The following BCO1 variants were observed in gnomAD, a reference collection of about 807,000 sequenced individuals.
BCO1 encodes beta,beta-carotene 15,15'-dioxygenase.
In BCO1, 54 loss-of-function variants were observed where a neutral mutation model predicts 56.3. That is an observed-to-expected ratio of 0.96 (90% confidence interval 0.77 to 1.20). BCO1 has a LOEUF of 1.20. Ranked by LOEUF, BCO1 falls within the 50% of genes most tolerant of loss-of-function variation. BCO1 has a pLI of 0.00. For missense variants in BCO1, 801 were observed against 690.9 expected (o/e 1.16, Z -1.79); for synonymous variants, 318 against 266.1 (o/e 1.20, Z -1.90).
At position 81,285,588 on chromosome 16, in the gene BCO1, G is replaced by C; in HGVS notation, c.1256G>C (p.Arg419Pro). ...VNYAHNGKQY[R>P]YVFATGVQWS... ...TATGCTCACAATGGAAAGCAATACC[G>C]ATATGTCTTTGCTACAGGAGTTCAG... The change falls in exon 9 of 11, where the codon CGA (arginine) becomes CCA (proline). Residue 419 changes from arginine (R) to proline (P), a missense_variant. Transcript: ENST00000258168. 6.2e-7 allele frequency: 1 copy of C among 1,613,826 alleles called. No homozygotes were observed. Among genetic ancestry groups the C allele is most frequent in the Non-Finnish European group, 8.5e-7 (1 of 1,179,708 alleles).
At chr16:81,289,951 A>G (rs1372718917) in intron 10 of BCO1, among the ~76,000 whole-genome samples, 2 of 151,924 alleles carry the variant, frequency 1.3e-5, no homozygotes, top group African/African-American at 4.8e-5. Context: ...CGCAACCTCC[A>G]CTCCCAGGTT....
rs1339175805 is a variant in BCO1, at chr16:81,290,380, C to G, written c.1447C>G (p.Pro483Ala). The G allele has an allele frequency of 6.2e-7, 1 of 1,614,042 alleles. No homozygotes were observed. The highest frequency in any genetic ancestry group is 1.3e-5 in the African/African-American group (1 of 74,926). ...CTTATCAGCCATTGTCTCTACTGAT[C>G]CCCAAAAGCTGCCTTTTCTGCTCAT... ...VILSAIVSTD[P>A]QKLPFLLILD... The change falls in exon 11 of 11, where the codon CCC becomes GCC. Residue 483 changes from proline (P) to alanine (A), a missense_variant. Transcript: ENST00000258168.
intron 2 of BCO1, among the ~76,000 whole-genome samples, chr16:81,255,502 T>A (rs1026209901): frequency 3.3e-5 from 5 of 150,422 alleles, no homozygotes; most frequent in African/African-American, 1.3e-4. Context: ...TATTTTTTTT[T>A]ATTTTTTATT....
At chr16:81,268,493 C>A (rs549240529) in intron 6 of BCO1, among the ~76,000 whole-genome samples, 92 of 152,308 alleles carry the variant, frequency 6.0e-4, no homozygotes, top group African/African-American at 2.2e-3. Flanking sequence ...GACCCCTTAA[C>A]CATGTCTGCT....
chr16:81,244,717 CTT>C (rs55904406), intron 1 of BCO1, among the ~76,000 whole-genome samples: 25 of 129,170 alleles, frequency 1.9e-4, no homozygotes, highest in African/African-American at 3.0e-4. Flanking sequence ...TTGCCCCTAT[CTT>C]TTTTTTTTTT....
At chr16:81,277,900 C>G (rs1205148371) in intron 7 of BCO1, among the ~76,000 whole-genome samples, 1 of 152,194 alleles carries the variant, frequency 6.6e-6, no homozygotes, top group African/African-American at 2.4e-5. Context: ...TATAAGATGT[C>G]TGTGCAGACC....
intron 7 of BCO1, among the ~76,000 whole-genome samples, chr16:81,277,376 C>A (rs748980069): frequency 8.5e-5 from 13 of 152,166 alleles, no homozygotes; most frequent in Non-Finnish European, 1.8e-4. Flanking sequence ...ACTTGCCCAA[C>A]TTTTTAGAAT....
At chr16:81,281,143 T>C (rs1406396675) in intron 8 of BCO1, among the ~76,000 whole-genome samples, 181 bp downstream of exon 8, 1 of 152,032 alleles carries the variant, frequency 6.6e-6, no homozygotes, top group African/African-American at 2.4e-5. Flanking sequence ...TTCAAATGCT[T>C]CCTAGGAAGG....
chr16:81,270,954 C>T (rs945128458), intron 7 of BCO1, among the ~76,000 whole-genome samples: 3 of 152,024 alleles, frequency 2.0e-5, no homozygotes, highest in African/African-American at 7.3e-5. Context: ...CCGTGTTAGC[C>T]AGGATGGTCT....
chr16:81,268,257 T>C, intron 6 of BCO1, 126 bp downstream of exon 6: 2 of 876,794 alleles, frequency 2.3e-6, no homozygotes, highest in South Asian at 2.8e-5. Flanking sequence ...CAGAGGCATC[T>C]ACCCACCTTC....
intron 2 of BCO1, among the ~76,000 whole-genome samples, chr16:81,254,426 C>G (rs1041628176): frequency 6.8e-5 from 10 of 147,396 alleles, no homozygotes; most frequent in Admixed American, 2.1e-4. Context: ...GCTGGGATTA[C>G]AGGCATAAGC....
Position 81,264,760 on chromosome 16 carries a change from A to T in BCO1, c.592A>T (p.Ile198Phe). 3 of 1,614,168 alleles carry T rather than the reference A, an allele frequency of 1.9e-6. No individual in the cohort carries two copies. The highest frequency in any genetic ancestry group is 2.5e-6 in the Non-Finnish European group (3 of 1,180,030). The change falls in exon 5 of 11, where the codon ATT becomes TTT. Residue 198 changes from isoleucine (I) to phenylalanine (F), a missense_variant. Transcript: ENST00000258168. Reference sequence around the variant, plus strand: ...GGAAAAGGGGAAGACAAAGTATGTGATTTTTAAGATCCCTGCCACAGTACC... The same window carrying T: ...GGAAAAGGGGAAGACAAAGTATGTGTTTTTTAAGATCCCTGCCACAGTACC... ...IVEKGKTKYV[I>F]FKIPATVPEG...
intron 5 of BCO1, among the ~76,000 whole-genome samples, chr16:81,265,600 T>TCATC (rs1216680773): frequency 8.3e-6 from 1 of 120,488 alleles, no homozygotes; most frequent in Non-Finnish European, 1.8e-5. Flanking sequence ...CATCCATCAT[T>TCATC]CATCCATCCA....
chr16:81,254,295 A>ATTTTTTTTT (rs57961725), intron 2 of BCO1, among the ~76,000 whole-genome samples: 15 of 78,282 alleles, frequency 1.9e-4, no homozygotes, highest in Non-Finnish European at 2.3e-4. Context: ...CGCCCGGCTA[A>ATTTTTTTTT]TTTTTTTTTT....
Position 81,238,752 on chromosome 16 carries a change from A to C in BCO1, c.-157A>C, listed in dbSNP as rs1904971822. 1 of 729,354 alleles carries C rather than the reference A, an allele frequency of 1.4e-6. No individual in the cohort carries two copies. The highest frequency in any genetic ancestry group is 2.5e-6 in the Non-Finnish European group (1 of 404,028). 45.2% of individuals were successfully genotyped at this position (729,354 alleles called of 1,614,324 possible). On this transcript the variant is annotated 5_prime_UTR_variant, in exon 1 of 11. Transcript: ENST00000258168. ...AGTGAGAGCCAGCCAAAAAGGAAAA[A>C]GCAAAGGCAGAAACGGCATCAGGAG...
chr16:81,260,706 A>C (rs973313249), intron 3 of BCO1, among the ~76,000 whole-genome samples: 3 of 152,110 alleles, frequency 2.0e-5, no homozygotes, highest in Non-Finnish European at 4.4e-5. Context: ...ACGGGGTTTC[A>C]CCATGTTGAT....
chr16:81,279,154 G>A (rs1019132943), intron 7 of BCO1, among the ~76,000 whole-genome samples: 20 of 152,062 alleles, frequency 1.3e-4, no homozygotes, highest in Admixed American at 4.6e-4. Context: ...ACGCATGCCC[G>A]TAGTCCCCCA....
chr16:81,258,085 A>C (rs1462235298), intron 2 of BCO1, among the ~76,000 whole-genome samples: 3 of 152,114 alleles, frequency 2.0e-5, no homozygotes, highest in Non-Finnish European at 4.4e-5. Context: ...GCAGCTTCTC[A>C]AAGCTAGAAA....
intron 3 of BCO1, among the ~76,000 whole-genome samples, chr16:81,260,017 G>T (rs907717251): frequency 9.9e-5 from 15 of 152,248 alleles, no homozygotes; most frequent in African/African-American, 3.1e-4. Flanking sequence ...CCTCCCACAT[G>T]GCTGGTGGGA....
Sources: allele counts gnomAD v4.1 joint callset (sites outside exome capture counted in the v4.1 genomes callset), GRCh38; gene constraint gnomAD v4.1.1; transcripts MANE v1.5; gene names NCBI Gene and HGNC (gene_info 2026-07-23, HGNC 2026-07-21).